Variants in SLC8A1 observed in about 807,000 individuals in gnomAD.
SLC8A1 encodes the protein sodium/calcium exchanger 1.
A neutral mutation model predicts 68.3 loss-of-function variants in SLC8A1; 18 were observed. That is an observed-to-expected ratio of 0.26 (90% CI 0.18 to 0.39). The LOEUF is 0.39. SLC8A1 is among the 10% of genes least tolerant of loss of function. SLC8A1 has a pLI of 1.00. For missense variants in SLC8A1, 985 were observed against 1,156.7 expected (o/e 0.85, Z 2.15); for synonymous variants, 475 against 415.5 (o/e 1.14, Z -1.74).
intron 2 of SLC8A1, among the ~76,000 whole-genome samples, chr2:40,215,180 T>A (rs964020381): frequency 3.3e-5 from 5 of 152,136 alleles, no homozygotes; most frequent in African/African-American, 1.2e-4. Flanking sequence ...AATATTATTA[T>A]CTTTAGAGAT....
At chr2:40,196,348 TAAG>T (rs2053016196) in intron 2 of SLC8A1, among the ~76,000 whole-genome samples, 1 of 151,946 alleles carries the variant, frequency 6.6e-6, no homozygotes, top group South Asian at 2.1e-4. Flanking sequence ...CATTAAAACT[TAAG>T]AAGTGAATTC....
At chr2:40,490,655 G>T (rs1189071595) in intron 1 of SLC8A1, among the ~76,000 whole-genome samples, 2 of 151,990 alleles carry the variant, frequency 1.3e-5, no homozygotes, top group African/African-American at 4.8e-5. Flanking sequence ...AGGAGTAGTG[G>T]ATTCACAACT....
At position 40,478,008 on chromosome 2, in the gene SLC8A1, G is replaced by A. The variant is rs192476421; in HGVS notation, c.-25+34341C>T. Among the ~76,000 whole-genome samples the A allele has an allele frequency of 2.6e-5, 4 of 152,232 alleles. No homozygotes were observed. In the East Asian group the frequency reaches 7.7e-4, roughly 29 times the overall value. On this transcript the variant is annotated intron_variant, in intron 1 of 7. Coordinates refer to the SLC8A1 transcript ENST00000402441. ...AATGGCACTTTTATTATTCTAGTCT[G>A]CCTCCTTTGGCTATAGGTTTTGACA...
intron 2 of SLC8A1, among the ~76,000 whole-genome samples, chr2:40,289,939 A>T (rs1178286175): frequency 6.6e-6 from 1 of 152,060 alleles, no homozygotes; most frequent in Non-Finnish European, 1.5e-5. Flanking sequence ...CAGGAATGGG[A>T]GATGAGGAAG....
intron 2 of SLC8A1, among the ~76,000 whole-genome samples, chr2:40,259,248 G>A (rs1410738711): frequency 6.9e-6 from 1 of 145,852 alleles, no homozygotes; most frequent in Non-Finnish European, 1.5e-5. Flanking sequence ...CAAGGATGGA[G>A]ATAATAGAAG....
At chr2:40,263,173 T>G (rs1233713234) in intron 2 of SLC8A1, among the ~76,000 whole-genome samples, 2 of 152,200 alleles carry the variant, frequency 1.3e-5, no homozygotes, top group Admixed American at 6.5e-5. Context: ...CATTTGCTGG[T>G]TGATTCAAGA....
chr2:40,461,883 G>A (rs1034304651), intron 1 of SLC8A1, among the ~76,000 whole-genome samples: 2 of 151,158 alleles, frequency 1.3e-5, no homozygotes, highest in African/African-American at 4.9e-5. Flanking sequence ...TACATTCATC[G>A]TTATAAGAAA....
intron 2 of SLC8A1, among the ~76,000 whole-genome samples, chr2:40,238,245 G>A (rs1289824254): frequency 2.0e-5 from 3 of 152,226 alleles, no homozygotes; most frequent in Non-Finnish European, 2.9e-5. Flanking sequence ...TGCTGTGCTA[G>A]CAATCAGTGA....
At chr2:40,419,332 T>A (rs1694813670) in intron 2 of SLC8A1, among the ~76,000 whole-genome samples, 1 of 152,156 alleles carries the variant, frequency 6.6e-6, no homozygotes, top group Non-Finnish European at 1.5e-5. Context: ...GTGAATCCCA[T>A]TTCTATTTCC....
intron 1 of SLC8A1, among the ~76,000 whole-genome samples, chr2:40,473,485 C>G (rs1402647363): frequency 6.6e-6 from 1 of 152,118 alleles, no homozygotes; most frequent in African/African-American, 2.4e-5. Flanking sequence ...ATAATGTTAA[C>G]TTATTTATTA....
At chr2:40,375,830 C>G (rs1279035542) in intron 2 of SLC8A1, among the ~76,000 whole-genome samples, 2 of 152,006 alleles carry the variant, frequency 1.3e-5, no homozygotes, top group African/African-American at 4.8e-5. Context: ...CAGGGAAACC[C>G]TGCCTCTATA....
chr2:40,398,462 A>G (rs1687679078), intron 2 of SLC8A1, among the ~76,000 whole-genome samples: 1 of 152,248 alleles, frequency 6.6e-6, no homozygotes, highest in Non-Finnish European at 1.5e-5. Context: ...CAATAGCAAT[A>G]CAATTTCATT....
At chr2:40,376,566 C>T (rs927302535) in intron 2 of SLC8A1, among the ~76,000 whole-genome samples, 2 of 147,904 alleles carry the variant, frequency 1.4e-5, no homozygotes, top group East Asian at 1.9e-4. Flanking sequence ...TCAAAAGTGG[C>T]GAAAGGAAAA....
At chr2:40,238,161 T>A (rs1219358124) in intron 2 of SLC8A1, among the ~76,000 whole-genome samples, 1 of 151,960 alleles carries the variant, frequency 6.6e-6, no homozygotes, top group Non-Finnish European at 1.5e-5. Context: ...CTGCTTTGTT[T>A]ACCTAATCAA....
intron 1 of SLC8A1, among the ~76,000 whole-genome samples, chr2:40,431,950 T>TC (rs1698410489): frequency 6.6e-6 from 1 of 152,076 alleles, no homozygotes; most frequent in African/African-American, 2.4e-5. Flanking sequence ...TTGACATTTT[T>TC]CCCATACTAA....
intron 2 of SLC8A1, among the ~76,000 whole-genome samples, chr2:40,375,717 C>A (rs1679599093): frequency 6.6e-6 from 1 of 152,052 alleles, no homozygotes; most frequent in Non-Finnish European, 1.5e-5. Flanking sequence ...AAGTTATATG[C>A]TTAGGCTGGG....
chr2:40,219,770 C>G (rs948201035), intron 2 of SLC8A1, among the ~76,000 whole-genome samples: 3 of 151,652 alleles, frequency 2.0e-5, no homozygotes, highest in Admixed American at 1.3e-4. Context: ...AAATCAGTAT[C>G]TTAATTAGCA....
intron 1 of SLC8A1, among the ~76,000 whole-genome samples, chr2:40,495,012 G>A (rs1001434955): frequency 6.6e-6 from 1 of 151,626 alleles, no homozygotes; most frequent in South Asian, 2.1e-4. Flanking sequence ...CATGCTTCTG[G>A]GAGGTAAGGT....
chr2:40,224,850 A>T (rs2058773490), intron 2 of SLC8A1, among the ~76,000 whole-genome samples: 1 of 152,170 alleles, frequency 6.6e-6, no homozygotes, highest in African/African-American at 2.4e-5. Context: ...CAAGGAAAAA[A>T]CAACCCCATC....
Sources: allele counts gnomAD v4.1 joint callset (sites outside exome capture counted in the v4.1 genomes callset), GRCh38; gene constraint gnomAD v4.1.1; transcripts MANE v1.5; gene names NCBI Gene and HGNC (gene_info 2026-07-23, HGNC 2026-07-21).